The following ZMAT4 variants were observed in gnomAD, a reference collection of about 807,000 sequenced individuals.
ZMAT4 encodes zinc finger matrin-type 4, also known as zinc finger matrin-type protein 4.
Under a neutral mutation model 28.7 loss-of-function variants are expected in ZMAT4, and 17 were observed. That is an observed-to-expected ratio of 0.59 (90% CI 0.41 to 0.89). ZMAT4 has a LOEUF of 0.89. Ranked by LOEUF, ZMAT4 falls within the 40% of genes least tolerant of loss-of-function variation. The pLI is 0.00. For synonymous variants in ZMAT4, 117 were observed against 109.2 expected (o/e 1.07, Z -0.44); for missense variants, 240 against 283.8 (o/e 0.85, Z 1.11).
intron 3 of ZMAT4, among the ~76,000 whole-genome samples, chr8:40,746,459 G>A (rs1812240597): frequency 6.6e-6 from 1 of 150,928 alleles, no homozygotes. Flanking sequence ...TGCCTCCTGG[G>A]TTCAAGCAAT....
intron 2 of ZMAT4, among the ~76,000 whole-genome samples, chr8:40,798,719 C>T (rs1814696602): frequency 1.3e-5 from 2 of 152,210 alleles, no homozygotes; most frequent in African/African-American, 2.4e-5. Context: ...ATTAATTTCC[C>T]TCTGCCTTTA....
intron 1 of ZMAT4, among the ~76,000 whole-genome samples, chr8:40,840,336 G>A (rs142936918): frequency 5.9e-5 from 9 of 152,098 alleles, no homozygotes; most frequent in African/African-American, 2.2e-4. Context: ...TCAGCTCCAC[G>A]ACTCCCCATG....
At chr8:40,891,252 A>AG (rs1208336149) in intron 1 of ZMAT4, among the ~76,000 whole-genome samples, 1 of 22,542 alleles carries the variant, frequency 4.4e-5, no homozygotes, top group African/African-American at 1.7e-4. Flanking sequence ...GCAAGGGGGA[A>AG]GGGGGAGGGG....
At chr8:40,618,659 G>A (rs1268678358) in intron 5 of ZMAT4, among the ~76,000 whole-genome samples, 71 of 139,294 alleles carry the variant, frequency 5.1e-4, no homozygotes, top group Non-Finnish European at 4.5e-4. Context: ...TCTACCACTA[G>A]AAAAAAAAAA....
chr8:40,564,477 T>C (rs538500840), intron 6 of ZMAT4, among the ~76,000 whole-genome samples: 1 of 152,292 alleles, frequency 6.6e-6, no homozygotes, highest in South Asian at 2.1e-4. Context: ...TTTTAGTATT[T>C]GTCATTTGCA....
rs144420627 is a variant in ZMAT4 at position 40,560,207 on chromosome 8, A to ATG, written c.674+20957_674+20958insCA. Among the ~76,000 whole-genome samples, 4 of 150,212 alleles carry ATG rather than the reference A, an allele frequency of 2.7e-5. No individual in the cohort carries two copies. The East Asian group carries it at 7.8e-4, about 29-fold the overall frequency. ...TAATCTTGTCAAACTTTATATATAT[A>ATG]TATATATATAAAATTTGACCAAGGG... On this transcript the variant is annotated intron_variant, in intron 6 of 6. Transcript: ENST00000297737.
chr8:40,869,564 A>G (rs1214812841), intron 1 of ZMAT4, among the ~76,000 whole-genome samples: 2 of 152,214 alleles, frequency 1.3e-5, no homozygotes, highest in African/African-American at 4.8e-5. Flanking sequence ...TTATTAGAAG[A>G]ACAAAAGGAG....
At chr8:40,769,254 GTTTT>G (rs907331143) in intron 2 of ZMAT4, among the ~76,000 whole-genome samples, 4 of 151,914 alleles carry the variant, frequency 2.6e-5, no homozygotes, top group African/African-American at 9.7e-5. Flanking sequence ...GTCATCTGGA[GTTTT>G]TTTTGTTTGT....
At chr8:40,824,756 G>GA (rs879766751) in intron 2 of ZMAT4, among the ~76,000 whole-genome samples, 1,800 of 150,572 alleles carry the variant, frequency 0.012, 18 homozygotes, top group Non-Finnish European at 0.018. Context: ...AAGAAAAAAA[G>GA]AAAGAAAGAA....
chr8:40,779,547 C>T (rs1813745016), intron 2 of ZMAT4, among the ~76,000 whole-genome samples: 1 of 152,158 alleles, frequency 6.6e-6, no homozygotes, highest in African/African-American at 2.4e-5. Flanking sequence ...GAGTCCTTTC[C>T]TTTCCATTCT....
intron 3 of ZMAT4, among the ~76,000 whole-genome samples, chr8:40,733,089 G>A (rs1446472490): frequency 2.6e-5 from 4 of 151,860 alleles, no homozygotes; most frequent in Non-Finnish European, 5.9e-5. Context: ...AAGCAATCCT[G>A]CCTCCTGAGT....
intron 5 of ZMAT4, among the ~76,000 whole-genome samples, chr8:40,646,625 C>T (rs1225440644): frequency 6.6e-6 from 1 of 152,058 alleles, no homozygotes. Flanking sequence ...CAAATAAGGA[C>T]ATTTCATTAT....
intron 4 of ZMAT4, among the ~76,000 whole-genome samples, chr8:40,677,859 A>G (rs779197755): frequency 6.6e-6 from 1 of 152,186 alleles, no homozygotes; most frequent in Non-Finnish European, 1.5e-5. Flanking sequence ...AAAAATATTA[A>G]CTAAATATTT....
At chr8:40,703,027 A>ATATATTTT (rs1554542588) in intron 3 of ZMAT4, among the ~76,000 whole-genome samples, 6 of 152,112 alleles carry the variant, frequency 3.9e-5, no homozygotes, top group East Asian at 1.9e-4. Context: ...ATATATATAT[A>ATATATTTT]TTCAATAAGG....
chr8:40,820,434 T>A (rs1240126683), intron 2 of ZMAT4, among the ~76,000 whole-genome samples: 1 of 149,670 alleles, frequency 6.7e-6, no homozygotes, highest in East Asian at 2.0e-4. Flanking sequence ...TGTGTGCTTA[T>A]GTGTGTATTT....
chr8:40,723,833 G>A (rs1811208700), intron 3 of ZMAT4, among the ~76,000 whole-genome samples: 4 of 152,176 alleles, frequency 2.6e-5, no homozygotes, highest in Admixed American at 2.6e-4. Flanking sequence ...TGCTGGTGGA[G>A]AGGGGGACTG....
intron 6 of ZMAT4, among the ~76,000 whole-genome samples, chr8:40,579,948 T>C (rs1198448971): frequency 6.6e-6 from 1 of 151,112 alleles, no homozygotes; most frequent in Non-Finnish European, 1.5e-5. Context: ...GAACAATCTA[T>C]GGGTTTACAC....
chr8:40,677,303 T>G (rs569084037), intron 4 of ZMAT4, among the ~76,000 whole-genome samples: 1 of 152,196 alleles, frequency 6.6e-6, no homozygotes, highest in South Asian at 2.1e-4. Context: ...GGATTTTTTT[T>G]TTTTTTTTGC....
intron 3 of ZMAT4, among the ~76,000 whole-genome samples, chr8:40,712,326 C>A (rs1810659227): frequency 6.6e-6 from 1 of 152,124 alleles, no homozygotes; most frequent in African/African-American, 2.4e-5. Flanking sequence ...ACCAACCAAC[C>A]CAGAGTTGTG....
Sources: gnomAD v4.1 joint callset for allele counts (sites outside exome capture counted in the v4.1 genomes callset) on GRCh38, gnomAD v4.1.1 for gene constraint, MANE v1.5 for transcripts, NCBI Gene and HGNC (gene_info 2026-07-23, HGNC 2026-07-21) for gene names.